CSMD1: variants seen among roughly 807,000 people sequenced by gnomAD.
The protein encoded by CSMD1 is CUB and Sushi multiple domains 1.
In CSMD1, 213 loss-of-function variants were observed where a neutral mutation model predicts 417.5. The observed-to-expected ratio is 0.51, with a 90% CI of 0.46 to 0.57. The LOEUF is 0.57. Among genes scored for constraint, CSMD1 ranks in the 20% least tolerant of loss-of-function variants. The pLI is 0.00. For missense variants in CSMD1, 6,923 were observed against 4,529.7 expected (o/e 1.53, Z -15.17); for synonymous variants, 2,862 against 1,736.8 (o/e 1.65, Z -16.11).
intron 12 of CSMD1, among the ~76,000 whole-genome samples, chr8:3,432,956 G>A (rs200579196): frequency 6.6e-6 from 1 of 152,092 alleles, no homozygotes; most frequent in Non-Finnish European, 1.5e-5. Flanking sequence ...AATAAATGGG[G>A]GGGTTACAGT....
intron 2 of CSMD1, among the ~76,000 whole-genome samples, chr8:4,577,366 C>G (rs771724006): frequency 1.3e-5 from 2 of 152,152 alleles, no homozygotes; most frequent in African/African-American, 2.4e-5. Flanking sequence ...GAATTACCTT[C>G]TAAACCTGTG....
intron 2 of CSMD1, among the ~76,000 whole-genome samples, chr8:4,469,676 G>T (rs993099256): frequency 6.6e-6 from 1 of 151,990 alleles, no homozygotes; most frequent in Non-Finnish European, 1.5e-5. Context: ...CAGGCCCAGG[G>T]AACTCTTGTC....
At chr8:4,199,358 G>C (rs6998077) in intron 3 of CSMD1, among the ~76,000 whole-genome samples, 13,548 of 152,210 alleles carry the variant, frequency 0.089, 900 homozygotes, top group African/African-American at 0.18. Flanking sequence ...AAAGCACATA[G>C]ATGCTTTAAT....
At chr8:2,965,750 A>T in intron 59 of CSMD1, 25 bp downstream of exon 59, 1 of 1,577,632 alleles carries the variant, frequency 6.3e-7, no homozygotes. Flanking sequence ...CACATCTGTA[A>T]AATCCAAAGA....
intron 3 of CSMD1, among the ~76,000 whole-genome samples, chr8:4,144,081 C>A (rs753523591): frequency 2.6e-5 from 4 of 151,202 alleles, no homozygotes; most frequent in East Asian, 3.9e-4. Context: ...TTTTTCCTTT[C>A]CATTAACTTT....
chr8:4,117,064 T>A (rs911869634), intron 3 of CSMD1, among the ~76,000 whole-genome samples: 1 of 151,924 alleles, frequency 6.6e-6, no homozygotes, highest in Non-Finnish European at 1.5e-5. Flanking sequence ...TTAACCAGAA[T>A]GAAATCTGGC....
intron 5 of CSMD1, among the ~76,000 whole-genome samples, chr8:3,963,227 C>T (rs1009745216): frequency 6.6e-6 from 1 of 152,206 alleles, no homozygotes; most frequent in Admixed American, 6.5e-5. Context: ...CCACCGCACC[C>T]GGCCTCAGTG....
intron 1 of CSMD1, among the ~76,000 whole-genome samples, chr8:4,738,903 T>TTGTGTGTGTGTGTG (rs34836566): frequency 0.042 from 6,237 of 147,292 alleles, 146 homozygotes; most frequent in African/African-American, 0.064. Context: ...TTCTGTGTGT[T>TTGTGTGTGTGTGTG]TGTGTGTGTG....
chr8:3,913,164 G>C (rs982541951), intron 5 of CSMD1, among the ~76,000 whole-genome samples: 1 of 152,110 alleles, frequency 6.6e-6, no homozygotes, highest in African/African-American at 2.4e-5. Flanking sequence ...TACATCGACA[G>C]GGAGATGTTG....
chr8:4,858,483 T>C (rs944289718), intron 1 of CSMD1, among the ~76,000 whole-genome samples: 1 of 151,438 alleles, frequency 6.6e-6, no homozygotes, highest in African/African-American at 2.4e-5. Flanking sequence ...TTGTCCCTGT[T>C]TGCAGACGAC....
At chr8:3,234,557 G>C (rs1244012647) in intron 26 of CSMD1, among the ~76,000 whole-genome samples, 1 of 152,164 alleles carries the variant, frequency 6.6e-6, no homozygotes, top group Non-Finnish European at 1.5e-5. Context: ...AATGACAATA[G>C]GAGTTACCGG....
chr8:3,444,229 A>G (rs902654227), intron 12 of CSMD1, among the ~76,000 whole-genome samples: 2 of 152,178 alleles, frequency 1.3e-5, no homozygotes, highest in East Asian at 3.9e-4. Flanking sequence ...CTGGATGACT[A>G]ATTTCAGGTT....
intron 23 of CSMD1, among the ~76,000 whole-genome samples, chr8:3,310,327 A>G (rs916087672): frequency 1.4e-5 from 2 of 146,582 alleles, no homozygotes; most frequent in African/African-American, 2.8e-5. Flanking sequence ...TACTGTTGTT[A>G]TTGTTGTAGT....
chr8:3,995,764 C>T (rs1389522383), intron 5 of CSMD1, among the ~76,000 whole-genome samples: 2 of 152,182 alleles, frequency 1.3e-5, no homozygotes, highest in Admixed American at 1.3e-4. Context: ...CCCAAGAATA[C>T]AAGTATAAAT....
chr8:4,557,700 A>G (rs1468767854), intron 2 of CSMD1, among the ~76,000 whole-genome samples: 1 of 152,062 alleles, frequency 6.6e-6, no homozygotes, highest in Non-Finnish European at 1.5e-5. Flanking sequence ...AGGAAGGAAA[A>G]AGGTCAGATT....
At chr8:3,093,615 C>T (rs1488692013) in intron 47 of CSMD1, among the ~76,000 whole-genome samples, 1 of 151,994 alleles carries the variant, frequency 6.6e-6, no homozygotes, top group East Asian at 1.9e-4. Flanking sequence ...TTGCAGTGAG[C>T]TGAGGTTGTG....
intron 2 of CSMD1, among the ~76,000 whole-genome samples, chr8:4,623,057 G>T (rs886706618): frequency 1.3e-5 from 2 of 152,056 alleles, no homozygotes; most frequent in Non-Finnish European, 2.9e-5. Context: ...CCATTAAAAG[G>T]ATAAATGTTG....
At chr8:3,489,987 G>C (rs983351735) in intron 11 of CSMD1, among the ~76,000 whole-genome samples, 1 of 152,164 alleles carries the variant, frequency 6.6e-6, no homozygotes, top group Non-Finnish European at 1.5e-5. Context: ...CAGTCTATCT[G>C]TCATTTCTCC....
At chr8:3,480,362 T>C (rs1285444039) in intron 11 of CSMD1, among the ~76,000 whole-genome samples, 1 of 151,958 alleles carries the variant, frequency 6.6e-6, no homozygotes, top group East Asian at 1.9e-4. Context: ...AAAGACTCTG[T>C]CTCAAAAATA....
Sources: gnomAD v4.1 joint callset for allele counts (sites outside exome capture counted in the v4.1 genomes callset) on GRCh38, gnomAD v4.1.1 for gene constraint, MANE v1.5 for transcripts, NCBI Gene and HGNC (gene_info 2026-07-23, HGNC 2026-07-21) for gene names.